The following MDM2 variants were observed in gnomAD, a reference collection of about 807,000 sequenced individuals.
MDM2 encodes E3 ubiquitin-protein ligase Mdm2.
In MDM2, 11 loss-of-function variants were observed where a neutral mutation model predicts 64.3. That is an observed-to-expected ratio of 0.17 (90% confidence interval 0.11 to 0.28). The LOEUF (loss-of-function observed/expected upper bound fraction) is 0.28, where lower values mean the gene tolerates loss of function less well. Among genes scored for constraint, MDM2 ranks in the 10% least tolerant of loss-of-function variants. The probability of loss-of-function intolerance (pLI) is 1.00; values close to 1 mark genes in which losing one functional copy is unlikely to be tolerated. For synonymous variants in MDM2, 194 were observed against 192.9 expected (o/e 1.01, Z -0.05); for missense variants, 388 against 577.1 (o/e 0.67, Z 3.36).
intron 10 of MDM2, among the ~76,000 whole-genome samples, chr12:68,837,953 C>A (rs1592600600): frequency 6.6e-6 from 1 of 152,016 alleles, no homozygotes; most frequent in Non-Finnish European, 1.5e-5. Context: ...AAATAAATAA[C>A]TAATTGAATC....
intron 8 of MDM2, among the ~76,000 whole-genome samples, chr12:68,833,274 T>TGTATAA (rs1882993152): frequency 1.3e-5 from 1 of 78,704 alleles, no homozygotes; most frequent in African/African-American, 3.8e-5. Context: ...ATTATATATT[T>TGTATAA]ATATAAATAT....
intron 3 of MDM2, 59 bp from the exon 4 acceptor site, chr12:68,816,753 T>C (rs1478027147): frequency 7.2e-7 from 1 of 1,390,144 alleles, no homozygotes; most frequent in Non-Finnish European, 9.8e-7. Context: ...TATTATTAAA[T>C]GTATTTACAA....
In MDM2 at chr12:68,842,238, C is replaced by T. The variant is rs1398204618; in HGVS notation, c.*2389C>T. 2.0e-6 allele frequency: 1 copy of T among 497,866 alleles called. No individual in the cohort carries two copies. The highest frequency in any genetic ancestry group is 4.6e-5 in the East Asian group (1 of 21,510). The allele number at this position is 497,866 out of a possible 1,614,324, so 30.8% of individuals were successfully genotyped here. A position where few individuals can be genotyped will look rare whatever the true frequency, so the allele number is the denominator to read the frequency against. On this transcript the variant is annotated 3_prime_UTR_variant, in exon 11 of 11. Coordinates refer to ENST00000258149, the MANE Select transcript of MDM2 (RefSeq NM_002392.6). Reference sequence around the variant, plus strand: ...AATGCCAAGCTATATTTATAATGAACAAATTCAAGAAAAAGGACTACGGAA... The same window carrying T: ...AATGCCAAGCTATATTTATAATGAATAAATTCAAGAAAAAGGACTACGGAA...
chr12:68,811,709 A>G (rs989158053), intron 2 of MDM2, among the ~76,000 whole-genome samples: 2 of 150,878 alleles, frequency 1.3e-5, no homozygotes, highest in African/African-American at 4.9e-5. Context: ...GGTTCAAGCA[A>G]TTCTGCCGCA....
At chr12:68,824,935 C>T (rs927749717) in intron 7 of MDM2, among the ~76,000 whole-genome samples, 9 of 151,900 alleles carry the variant, frequency 5.9e-5, no homozygotes, top group Non-Finnish European at 1.3e-4. Context: ...TGGTGGCTCA[C>T]GCCTGGCTCA....
intron 5 of MDM2, among the ~76,000 whole-genome samples, chr12:68,821,044 C>CTTTTT (rs36054804): frequency 6.7e-5 from 7 of 103,782 alleles, no homozygotes; most frequent in African/African-American, 7.6e-5. Flanking sequence ...ACACAGTTTG[C>CTTTTT]TTTTTTTTTT....
In MDM2 at chr12:68,844,676, G is replaced by A. The variant is rs1483577317; in HGVS notation, c.*4827G>A. ...AAAAAACAAAAAAACTGGCTTTAAA[G>A]CAGGAGCTTGTGGGCCCCTAAGCCA... is the stretch of plus-strand genomic sequence containing the variant. On this transcript the variant is annotated 3_prime_UTR_variant, in exon 11 of 11. Coordinates refer to ENST00000258149, the MANE Select transcript of MDM2 (RefSeq NM_002392.6). 1 of 223,954 alleles carries A rather than the reference G, an allele frequency of 4.5e-6. No homozygotes were observed. The highest frequency in any genetic ancestry group is 6.5e-5 in the East Asian group (1 of 15,496). The allele number at this position is 223,954 out of a possible 1,614,324, so 13.9% of individuals were successfully genotyped here.
Position 68,839,314 on chromosome 12 carries a change from C to G in MDM2, c.959C>G (p.Pro320Arg). ...ACTTCATGCAATGAAATGAATCCCC[C>G]CCTTCCATCACATTGCAACAGATGT... ...KCTSCNEMNPPLPSHCNRCWA... is the reference protein window; with the variant it reads ...KCTSCNEMNPRLPSHCNRCWA... The change falls in exon 11 of 11, where the codon CCC (proline) becomes CGC (arginine). Residue 320 changes from proline to arginine, a missense_variant. Around this residue, in one of 5 missense-constraint regions of MDM2, gnomAD observed 138 missense variants for 143.7 expected, o/e 0.96. Transcript: ENST00000258149. The G allele has an allele frequency of 1.2e-6, 2 of 1,613,748 alleles. No homozygotes were observed. The highest frequency in any genetic ancestry group is 1.1e-5 in the South Asian group (1 of 91,004).
chr12:68,838,149 A>T (rs1883459457), intron 10 of MDM2, among the ~76,000 whole-genome samples: 1 of 152,186 alleles, frequency 6.6e-6, no homozygotes, highest in Non-Finnish European at 1.5e-5. Flanking sequence ...TATAACTTGA[A>T]AAAAGAAGAA....
At chr12:68,836,349 C>CA (rs1480282253) in intron 9 of MDM2, among the ~76,000 whole-genome samples, 2 of 152,112 alleles carry the variant, frequency 1.3e-5, no homozygotes, top group Non-Finnish European at 2.9e-5. Context: ...ATCTGTTTCC[C>CA]AGAAGTGACT....
intron 1 of MDM2, 149 bp from the exon 2 acceptor site, chr12:68,809,059 G>A: frequency 6.7e-7 from 1 of 1,497,472 alleles, no homozygotes; most frequent in Non-Finnish European, 8.8e-7. Context: ...GGGCACGGAC[G>A]CACGCCACTT....
chr12:68,827,857 T>C (rs185891192), intron 7 of MDM2, among the ~76,000 whole-genome samples: 112 of 152,256 alleles, frequency 7.4e-4, no homozygotes, highest in African/African-American at 2.6e-3. Context: ...AGAGCCGGGC[T>C]TAGTGGCTTA....
At position 68,841,383 on chromosome 12, in the gene MDM2, T is replaced by G. The variant is rs2077439; in HGVS notation, c.*1534T>G. ...AAGTGCTAAGTAGGATTACAGGCGT[T>G]AGCCACCACACCCGGCTGTAAAAAT... On this transcript the variant is annotated 3_prime_UTR_variant, in exon 11 of 11. Coordinates refer to ENST00000258149, the MANE Select transcript of MDM2 (RefSeq NM_002392.6). The G allele has an allele frequency of 0.071, 14,885 of 208,578 alleles. 2,267 individuals are homozygous for G. The highest frequency in any genetic ancestry group is 0.32 in the African/African-American group (13,911 of 43,908). The allele number at this position is 208,578 out of a possible 1,614,324, so 12.9% of individuals were successfully genotyped here.
rs903090072 is a variant in MDM2 at position 68,844,391 on chromosome 12, T to C, written c.*4542T>C. 2.2e-5 allele frequency: 5 copies of C among 225,720 alleles called. No individual in the cohort carries two copies. The highest frequency in any genetic ancestry group is 5.7e-5 in the Admixed American group (1 of 17,496). The allele number at this position is 225,720 out of a possible 1,614,324, so 14.0% of individuals were successfully genotyped here. A position where few individuals can be genotyped will look rare whatever the true frequency, so the allele number is the denominator to read the frequency against. ...CAATGAGAGCAACTTGAGAGAATGA[T>C]GTTGCAAGTTAGTAGGAGTAAGAAA... On this transcript the variant is annotated 3_prime_UTR_variant, in exon 11 of 11. Coordinates refer to ENST00000258149, the MANE Select transcript of MDM2 (RefSeq NM_002392.6).
In MDM2 at chr12:68,839,959, T is replaced by C. The variant is rs1883620844; in HGVS notation, c.*110T>C. ...AAGTGAGAAAATGCCTCAATTCACA[T>C]AGATTTCTTCTCTTTAGTATAATTG... On this transcript the variant is annotated 3_prime_UTR_variant, in exon 11 of 11. Coordinates refer to ENST00000258149, the MANE Select transcript of MDM2 (RefSeq NM_002392.6). 5 of 979,700 alleles carry C rather than the reference T, an allele frequency of 5.1e-6. No individual in the cohort carries two copies. The Admixed American group carries it at 1.1e-4, about 22-fold the overall frequency. The allele number at this position is 979,700 out of a possible 1,614,324, so 60.7% of individuals were successfully genotyped here.
chr12:68,833,820 T>G (rs558455219), intron 8 of MDM2, among the ~76,000 whole-genome samples: 21 of 152,312 alleles, frequency 1.4e-4, no homozygotes, highest in Non-Finnish European at 2.6e-4. Context: ...ATGTTTCTTG[T>G]GATTTACCCC....
chr12:68,824,495 C>T, intron 6 of MDM2, 60 bp from the exon 7 acceptor site: 1 of 1,593,776 alleles, frequency 6.3e-7, no homozygotes, highest in Non-Finnish European at 8.6e-7. Flanking sequence ...TTATTTACAA[C>T]AAGTTAGCTT....
chr12:68,836,947 A>C (rs1028607395), intron 10 of MDM2, among the ~76,000 whole-genome samples, 198 bp downstream of exon 10: 5 of 145,698 alleles, frequency 3.4e-5, no homozygotes, highest in African/African-American at 1.3e-4. Flanking sequence ...TAGGTGCTGG[A>C]ATTTGAACTT....
chr12:68,810,289 G>A (rs898217960), intron 2 of MDM2, among the ~76,000 whole-genome samples: 3 of 149,106 alleles, frequency 2.0e-5, no homozygotes, highest in African/African-American at 4.9e-5. Flanking sequence ...CAGCCTGGGC[G>A]ATAAGAGCGA....
Sources: allele counts gnomAD v4.1 joint callset (sites outside exome capture counted in the v4.1 genomes callset), GRCh38; gene constraint gnomAD v4.1.1; regional missense constraint gnomAD v4.1.1; transcripts MANE v1.5; gene names NCBI Gene and HGNC (gene_info 2026-07-23, HGNC 2026-07-21).